SGK1: variants seen among roughly 807,000 people sequenced by gnomAD.
SGK1 encodes the protein serine/threonine-protein kinase Sgk1.
SGK1 carries 26 observed loss-of-function variants against 64.2 expected under a neutral mutation model. The observed-to-expected ratio is 0.40, with a 90% CI of 0.30 to 0.56. The LOEUF is 0.56. Among genes scored for constraint, SGK1 ranks in the 20% least tolerant of loss-of-function variants. The pLI is 0.38. For synonymous variants in SGK1, 265 were observed against 239.7 expected (o/e 1.11, Z -0.98); for missense variants, 519 against 645.6 (o/e 0.80, Z 2.12).
intron 1 of SGK1, among the ~76,000 whole-genome samples, chr6:134,262,983 G>A (rs1776790952): frequency 6.6e-6 from 1 of 151,410 alleles, no homozygotes; most frequent in Non-Finnish European, 1.5e-5. Flanking sequence ...CTCCTCATTT[G>A]TAAGATTCAG....
intron 2 of SGK1, among the ~76,000 whole-genome samples, chr6:134,244,938 G>C (rs1776503998): frequency 6.6e-6 from 1 of 152,154 alleles, no homozygotes; most frequent in Non-Finnish European, 1.5e-5. Context: ...ACCATGCCCA[G>C]CTAATTTTTG....
rs374845744 is a variant in SGK1 at position 134,182,659 on chromosome 6, T to C, written c.362-8073A>G. ...AAAGGGTTCCAACAAATCAAAACAA[T>C]ACATCAAGTAATTATGGGCTGTGAG... is the stretch of plus-strand genomic sequence containing the variant. On this transcript the variant is annotated intron_variant, in intron 3 of 13. Transcript: ENST00000367858. Among the ~76,000 whole-genome samples the C allele has an allele frequency of 7.9e-5, 12 of 152,140 alleles. No homozygotes were observed. In the East Asian group the frequency reaches 1.5e-3, roughly 20 times the overall value.
chr6:134,269,671 A>AAAAG, intron 1 of SGK1, among the ~76,000 whole-genome samples: 1 of 146,650 alleles, frequency 6.8e-6, no homozygotes, highest in African/African-American at 2.4e-5. Flanking sequence ...AAAAAAAAAA[A>AAAAG]AGAGAGAGAG....
intron 1 of SGK1, among the ~76,000 whole-genome samples, chr6:134,317,181 C>CGGGG (rs1777699357): frequency 6.6e-6 from 1 of 152,112 alleles, no homozygotes; most frequent in African/African-American, 2.4e-5. Context: ...GCCCAACCCC[C>CGGGG]TCCTCCCAAT....
At chr6:134,273,813 A>T (rs909445581) in intron 1 of SGK1, among the ~76,000 whole-genome samples, 55 of 151,598 alleles carry the variant, frequency 3.6e-4, no homozygotes, top group Non-Finnish European at 5.4e-4. Flanking sequence ...TGAAGTATTT[A>T]TTTTTATTTA....
chr6:134,317,902 GT>G lies in SGK1; in HGVS notation c.-443del. On this transcript the variant is annotated 5_prime_UTR_variant, in exon 1 of 14. Transcript: ENST00000367858. Reference sequence around the variant, plus strand: ...GGAGGCGGCTTGAGAGAGGAGAGTTGTTTTTGATTGTGCAAGTTCCAGTGGG... The same window carrying G: ...GGAGGCGGCTTGAGAGAGGAGAGTTGTTTTGATTGTGCAAGTTCCAGTGGG... 1 of 161,978 alleles carries G rather than the reference GT, an allele frequency of 6.2e-6. No individual in the cohort carries two copies. Among genetic ancestry groups the G allele is most frequent in the Admixed American group, 6.3e-5 (1 of 15,918 alleles). 10.0% of individuals were successfully genotyped at this position (161,978 alleles called of 1,614,324 possible).
intron 3 of SGK1, among the ~76,000 whole-genome samples, chr6:134,197,148 G>A (rs114898185): frequency 1.0e-3 from 155 of 152,186 alleles, no homozygotes; most frequent in African/African-American, 3.6e-3. Flanking sequence ...TAAGAGGATC[G>A]CTTGAACCTG....
chr6:134,243,598 G>T (rs1197679096), intron 2 of SGK1, among the ~76,000 whole-genome samples: 1 of 152,076 alleles, frequency 6.6e-6, no homozygotes, highest in African/African-American at 2.4e-5. Context: ...CGAACTCCTG[G>T]CCTCAGGTGA....
intron 2 of SGK1, chr6:134,260,156 T>TA (rs1776741644): frequency 6.6e-6 from 1 of 151,572 alleles, no homozygotes; most frequent in South Asian, 2.1e-4. Flanking sequence ...GCCTGGTCAG[T>TA]ATGACAACAC....
chr6:134,300,634 T>TTG (rs1777438300), intron 1 of SGK1, among the ~76,000 whole-genome samples: 3 of 129,678 alleles, frequency 2.3e-5, no homozygotes, highest in Non-Finnish European at 5.4e-5. Context: ...AATGTTTGGT[T>TTG]TTTTTTTTTT....
At chr6:134,303,370 T>C (rs34634840) in intron 1 of SGK1, among the ~76,000 whole-genome samples, 18,085 of 151,432 alleles carry the variant, frequency 0.12, 1,252 homozygotes, top group East Asian at 0.27. Flanking sequence ...CCAGCCTGGG[T>C]GACAGAGCAA....
intron 1 of SGK1, among the ~76,000 whole-genome samples, chr6:134,307,295 G>A (rs2114798869): frequency 6.6e-6 from 1 of 152,326 alleles, no homozygotes; most frequent in Non-Finnish European, 1.5e-5. Context: ...TTTTGCCAAA[G>A]CTGATAACTA....
Position 134,173,096 on chromosome 6 carries a change from A to G in SGK1, c.761T>C (p.Leu254Pro). The change falls in exon 8 of 14, where the codon CTG becomes CCG. Residue 254 changes from leucine (L) to proline (P), a missense_variant. Leu to Pro is a moderately conservative substitution (Grantham distance 98). Coordinates refer to ENST00000367858, the MANE Select transcript of SGK1 (RefSeq NM_001143676.3). ...VLLKNVKHPF[L>P]VGLHFSFQTA... is the part of the protein sequence containing the mutation. ...CTGGAAAGAGAAGTGAAGGCCCACC[A>G]GGAAAGGGTGCTTCACATTCTTCAA... 1 of 1,613,992 alleles carries G rather than the reference A, an allele frequency of 6.2e-7. No individual in the cohort carries two copies. Among genetic ancestry groups the G allele is most frequent in the Non-Finnish European group, 8.5e-7 (1 of 1,179,816 alleles).
At chr6:134,172,839 G>T in intron 8 of SGK1, 65 bp from the exon 9 acceptor site, 1 of 1,305,974 alleles carries the variant, frequency 7.7e-7, no homozygotes, top group Non-Finnish European at 1.1e-6. Flanking sequence ...GACATACACA[G>T]CAAAAGAACA....
intron 2 of SGK1, among the ~76,000 whole-genome samples, chr6:134,224,154 A>G (rs1776133842): frequency 6.6e-6 from 1 of 152,230 alleles, no homozygotes; most frequent in Admixed American, 6.5e-5. Context: ...AAACACCATG[A>G]ATACAGCTTT....
intron 2 of SGK1, chr6:134,260,359 C>T (rs1180519238): frequency 9.9e-6 from 1 of 101,476 alleles, no homozygotes; most frequent in Non-Finnish European, 2.3e-5. Context: ...CCCTGTCTCC[C>T]TGTCCCCGAC....
intron 2 of SGK1, among the ~76,000 whole-genome samples, chr6:134,238,158 A>G (rs571472452): frequency 6.6e-6 from 1 of 152,302 alleles, no homozygotes; most frequent in South Asian, 2.1e-4. Flanking sequence ...CACCTTTTGC[A>G]TCAGAAAAGT....
intron 3 of SGK1, among the ~76,000 whole-genome samples, chr6:134,195,694 G>C (rs542826147): frequency 1.3e-5 from 2 of 152,292 alleles, no homozygotes; most frequent in African/African-American, 2.4e-5. Context: ...CTTAGCTTAA[G>C]AATGCAATAT....
intron 11 of SGK1, 161 bp from the exon 12 acceptor site, chr6:134,171,339 T>G: frequency 1.4e-6 from 1 of 707,976 alleles, no homozygotes; most frequent in Non-Finnish European, 2.4e-6. Flanking sequence ...AGTGTCTACT[T>G]TGCAACCCGT....
Sources: allele counts gnomAD v4.1 joint callset (sites outside exome capture counted in the v4.1 genomes callset), GRCh38; gene constraint gnomAD v4.1.1; transcripts MANE v1.5; gene names NCBI Gene and HGNC (gene_info 2026-07-23, HGNC 2026-07-21).